GABRP: variants seen among roughly 807,000 people sequenced by gnomAD.
GABRP encodes gamma-aminobutyric acid type A receptor subunit pi.
GABRP carries 52 observed loss-of-function variants against 47.8 expected under a neutral mutation model. The ratio of observed to expected loss-of-function variants is 1.09; its 90% CI spans 0.87 to 1.37. The LOEUF (loss-of-function observed/expected upper bound fraction) is 1.37, where lower values mean the gene tolerates loss of function less well. Ranked by LOEUF, GABRP falls within the 40% of genes most tolerant of loss-of-function variation. The pLI is 0.00. For missense variants in GABRP, 525 were observed against 542.8 expected, an observed-to-expected ratio of 0.97 and a Z score of 0.33; for synonymous variants, 221 against 205.8, an observed-to-expected ratio of 1.07 and a Z score of -0.63.
chr5:170,804,029 A>G (rs951284442), intron 6 of GABRP, among the ~76,000 whole-genome samples: 1 of 152,030 alleles, frequency 6.6e-6, no homozygotes, highest in Non-Finnish European at 1.5e-5. Context: ...CAGCCTCCCA[A>G]AGTGCTGGGA....
chr5:170,791,117 CCTT>C (rs1338293455), intron 3 of GABRP, among the ~76,000 whole-genome samples: 1 of 152,206 alleles, frequency 6.6e-6, no homozygotes, highest in Non-Finnish European at 1.5e-5. Flanking sequence ...AGAATACACT[CCTT>C]CTTGTTTGCC....
At chr5:170,795,499 T>C in intron 5 of GABRP, 74 bp downstream of exon 5, 1 of 1,252,108 alleles carries the variant, frequency 8.0e-7, no homozygotes, top group Admixed American at 1.7e-5. Flanking sequence ...TCTTGGGTAG[T>C]TGTGACCAGA....
In GABRP at chr5:170,795,322, G is replaced by C; in HGVS notation, c.355G>C (p.Asp119His). ...ARLVEFLWVP[D>H]TYIVESKKSF... The stretch of plus-strand genomic sequence containing the variant: ...CCTCGTGGAGTTCCTCTGGGTGCCA[G>C]ATACTTACATTGTGGAGTCCAAGAA... The change falls in exon 5 of 10, where the codon GAT becomes CAT. Residue 119 changes from aspartate (D) to histidine (H), a missense_variant. Coordinates refer to ENST00000265294, the MANE Select transcript of GABRP (RefSeq NM_014211.3). 6.2e-7 allele frequency: 1 copy of C among 1,614,010 alleles called. No individual in the cohort carries two copies. The highest frequency in any genetic ancestry group is 8.5e-7 in the Non-Finnish European group (1 of 1,179,988).
intron 6 of GABRP, among the ~76,000 whole-genome samples, chr5:170,801,926 A>T (rs1187023188): frequency 6.6e-6 from 1 of 152,264 alleles, no homozygotes; most frequent in South Asian, 2.1e-4. Flanking sequence ...GCTGGAATGG[A>T]CCAAGAGACA....
chr5:170,784,604 A>C (rs934849715), intron 1 of GABRP, among the ~76,000 whole-genome samples: 3 of 152,114 alleles, frequency 2.0e-5, no homozygotes, highest in African/African-American at 4.8e-5. Context: ...TCACACTCTG[A>C]GTGGCACCTG....
intron 1 of GABRP, among the ~76,000 whole-genome samples, chr5:170,784,218 A>G (rs1284512190): frequency 6.6e-6 from 1 of 152,202 alleles, no homozygotes; most frequent in Non-Finnish European, 1.5e-5. Flanking sequence ...CCTGCTTTCC[A>G]ACAAATGATT....
intron 3 of GABRP, among the ~76,000 whole-genome samples, chr5:170,793,699 TC>T (rs1481234025): frequency 3.9e-5 from 6 of 152,180 alleles, no homozygotes; most frequent in African/African-American, 1.4e-4. Flanking sequence ...GGAAAAACCC[TC>T]CATGTAAGAA....
intron 6 of GABRP, among the ~76,000 whole-genome samples, chr5:170,799,433 C>T (rs949917261): frequency 1.3e-5 from 2 of 152,214 alleles, no homozygotes; most frequent in Non-Finnish European, 1.5e-5. Context: ...CACATCCTCT[C>T]CAGCACCTGC....
Position 170,788,566 on chromosome 5 carries a change from T to A in GABRP, c.-42-8T>A, listed in dbSNP as rs972635397. ...GGCCTTCCACTTACCTTGCCCCCTG[T>A]TTCCCAGGTGATTCCTACTTCAGCC... On this transcript the variant is annotated splice_polypyrimidine_tract_variant and splice_region_variant and intron_variant, in intron 1 of 9. Coordinates refer to ENST00000265294, the MANE Select transcript of GABRP (RefSeq NM_014211.3). 1.2e-6 allele frequency: 2 copies of A among 1,601,184 alleles called. No homozygotes were observed. Among genetic ancestry groups the A allele is most frequent in the African/African-American group, 2.7e-5 (2 of 74,410 alleles).
At chr5:170,788,980 A>G (rs1765194694) in intron 2 of GABRP, 149 bp from the exon 3 acceptor site, 1 of 700,394 alleles carries the variant, frequency 1.4e-6, no homozygotes, top group African/African-American at 1.8e-5. Context: ...GCTGAAAACT[A>G]AGAGATTTTT....
chr5:170,796,393 C>T (rs1437698454), intron 5 of GABRP, among the ~76,000 whole-genome samples: 1 of 152,120 alleles, frequency 6.6e-6, no homozygotes, highest in Non-Finnish European at 1.5e-5. Context: ...TGTGTGCATG[C>T]ATTTGTGTGT....
chr5:170,803,374 C>CTGTG (rs1765644295), intron 6 of GABRP, among the ~76,000 whole-genome samples: 4 of 152,200 alleles, frequency 2.6e-5, no homozygotes, highest in African/African-American at 9.7e-5. Context: ...GTTTTGCCAT[C>CTGTG]ACTAGCTCTG....
At chr5:170,792,939 G>A (rs1442794935) in intron 3 of GABRP, among the ~76,000 whole-genome samples, 1 of 152,152 alleles carries the variant, frequency 6.6e-6, no homozygotes, top group Non-Finnish European at 1.5e-5. Context: ...CTATTAGCCT[G>A]GTGAATAAAG....
intron 1 of GABRP, among the ~76,000 whole-genome samples, chr5:170,785,387 C>G (rs1422159): frequency 0.046 from 7,021 of 152,264 alleles, 572 homozygotes; most frequent in African/African-American, 0.16. Context: ...AAAATTAACA[C>G]CTTCTGGGCC....
At chr5:170,805,666 T>A in intron 6 of GABRP, 50 bp from the exon 7 acceptor site, 1 of 1,606,748 alleles carries the variant, frequency 6.2e-7, no homozygotes, top group Non-Finnish European at 8.5e-7. Context: ...ACCAGACCAG[T>A]TCAATCTGGA....
At position 170,808,607 on chromosome 5, in the gene GABRP, C is replaced by T. The variant is rs1378865264; in HGVS notation, c.687C>T (p.Tyr229=). 2 of 1,613,668 alleles carry T rather than the reference C, an allele frequency of 1.2e-6. No homozygotes were observed. Among genetic ancestry groups the T allele is most frequent in the Admixed American group, 3.3e-5 (2 of 59,950 alleles). ...TGTTGTTTACCCTTTCAGGAAATTA[C>T]ACTAGATTGGTCTTACAGTTTGAGC... ...VTRSQQETGN[Y]TRLVLQFELR... The change falls in exon 8 of 10, where the codon TAC becomes TAT. Residue 229 remains tyrosine, a synonymous_variant. Coordinates refer to ENST00000265294, the MANE Select transcript of GABRP (RefSeq NM_014211.3).
chr5:170,791,870 T>G (rs1765280142), intron 3 of GABRP, among the ~76,000 whole-genome samples: 1 of 152,166 alleles, frequency 6.6e-6, no homozygotes. Context: ...TGGCTCACAG[T>G]TTTAGAGGCT....
rs1359217506 is a variant in GABRP at position 170,813,816 on chromosome 5, G to A, written c.*1558G>A. On this transcript the variant is annotated 3_prime_UTR_variant, in exon 10 of 10. Transcript: ENST00000265294. ...ATACTTCTCACAATTCAGTTTCTAT[G>A]AGTTTGATCACCTGATTTTTTTAAC... 1 of 152,060 alleles carries A rather than the reference G, an allele frequency of 6.6e-6. No homozygotes were observed. The highest frequency in any genetic ancestry group is 1.5e-5 in the Non-Finnish European group (1 of 68,012). 9.4% of individuals were successfully genotyped at this position (152,060 alleles called of 1,614,324 possible). A position where few individuals can be genotyped will look rare whatever the true frequency, so the allele number is the denominator to read the frequency against.
chr5:170,788,846 T>C lies in GABRP; in HGVS notation c.53+178T>C, dbSNP rs184656876. ...TTTACTCTATTTACAGAACACAAGC[T>C]TCCAATATGGTCATAGATGAATGAA... On this transcript the variant is annotated intron_variant, in intron 2 of 9. Coordinates refer to ENST00000265294, the MANE Select transcript of GABRP (RefSeq NM_014211.3). Among the ~76,000 whole-genome samples, 296 of 152,336 alleles carry C rather than the reference T, an allele frequency of 1.9e-3. 1 individual carries two copies. Among genetic ancestry groups the C allele is most frequent in the African/African-American group, 6.6e-3 (276 of 41,570 alleles).
Sources: allele counts gnomAD v4.1 joint callset (sites outside exome capture counted in the v4.1 genomes callset), GRCh38; gene constraint gnomAD v4.1.1; transcripts MANE v1.5; gene names NCBI Gene and HGNC (gene_info 2026-07-23, HGNC 2026-07-21).